GRIK1: variants seen among roughly 807,000 people sequenced by gnomAD.
The protein encoded by GRIK1 is glutamate receptor ionotropic, kainate 1.
In GRIK1, 69 loss-of-function variants were observed where a neutral mutation model predicts 105.7. The observed-to-expected ratio is 0.65, with a 90% CI of 0.54 to 0.80. The LOEUF (loss-of-function observed/expected upper bound fraction) is 0.80, where lower values mean the gene tolerates loss of function less well. Ranked by LOEUF, GRIK1 falls within the 30% of genes least tolerant of loss-of-function variation. The pLI, the probability that GRIK1 is intolerant of heterozygous loss-of-function variation, is 0.00. For synonymous variants in GRIK1, 438 were observed against 431.3 expected (o/e 1.02, Z -0.19); for missense variants, 1,109 against 1,167.3 (o/e 0.95, Z 0.73).
At chr21:29,718,140 T>C (rs2064225086) in intron 1 of GRIK1, among the ~76,000 whole-genome samples, 1 of 152,176 alleles carries the variant, frequency 6.6e-6, no homozygotes, top group Non-Finnish European at 1.5e-5. Flanking sequence ...AAACTATAAG[T>C]CAATTAAATC....
chr21:29,556,726 G>A (rs1337919904), intron 15 of GRIK1, among the ~76,000 whole-genome samples: 1 of 152,158 alleles, frequency 6.6e-6, no homozygotes, highest in East Asian at 1.9e-4. Context: ...AGGATTTCAA[G>A]TCACTAGGAA....
At chr21:29,640,497 T>A (rs1250573647) in intron 7 of GRIK1, among the ~76,000 whole-genome samples, 1 of 152,182 alleles carries the variant, frequency 6.6e-6, no homozygotes, top group African/African-American at 2.4e-5. Context: ...TCCCTTCCTG[T>A]AACCCCTAAC....
At chr21:29,819,141 T>A (rs1348386518) in intron 1 of GRIK1, among the ~76,000 whole-genome samples, 1 of 152,134 alleles carries the variant, frequency 6.6e-6, no homozygotes, top group East Asian at 1.9e-4. Flanking sequence ...TATTTCAAGA[T>A]ACTATATATT....
intron 1 of GRIK1, among the ~76,000 whole-genome samples, chr21:29,907,656 T>C (rs376558296): frequency 3.3e-5 from 5 of 152,108 alleles, no homozygotes; most frequent in East Asian, 3.8e-4. Flanking sequence ...AAAGGCATTC[T>C]ATATGAATGA....
At chr21:29,752,878 T>G (rs1448394146) in intron 1 of GRIK1, among the ~76,000 whole-genome samples, 4 of 152,226 alleles carry the variant, frequency 2.6e-5, no homozygotes, top group African/African-American at 9.6e-5. Context: ...CATCTGTTAT[T>G]GAACAGTACC....
At chr21:29,573,704 C>T (rs545478675) in intron 14 of GRIK1, among the ~76,000 whole-genome samples, 1 of 152,118 alleles carries the variant, frequency 6.6e-6, no homozygotes, top group South Asian at 2.1e-4. Context: ...AAAAAATTAG[C>T]CAGGCATGGT....
chr21:29,589,807 C>T (rs377582407), intron 10 of GRIK1, among the ~76,000 whole-genome samples: 31 of 152,274 alleles, frequency 2.0e-4, no homozygotes, highest in African/African-American at 7.5e-4. Context: ...CTATCTATGA[C>T]TATTCTCATT....
intron 15 of GRIK1, 134 bp downstream of exon 15, chr21:29,561,490 G>A (rs560667976): frequency 1.9e-5 from 12 of 630,268 alleles, no homozygotes; most frequent in South Asian, 5.6e-5. Flanking sequence ...CTATATGGAT[G>A]TTTACATTAT....
intron 1 of GRIK1, among the ~76,000 whole-genome samples, chr21:29,919,418 T>C (rs1459427572): frequency 6.6e-6 from 1 of 152,142 alleles, no homozygotes; most frequent in Admixed American, 6.6e-5. Context: ...ACACAGAGGA[T>C]GTATTCCAGG....
At chr21:29,818,239 T>C (rs2067204966) in intron 1 of GRIK1, among the ~76,000 whole-genome samples, 1 of 152,072 alleles carries the variant, frequency 6.6e-6, no homozygotes, top group Non-Finnish European at 1.5e-5. Context: ...TAATAAATGT[T>C]GACAGACAAA....
intron 16 of GRIK1, 39 bp downstream of exon 16, chr21:29,555,013 A>C (rs2090213351): frequency 6.5e-7 from 1 of 1,538,810 alleles, no homozygotes; most frequent in Non-Finnish European, 8.9e-7. Flanking sequence ...CAGATAATGC[A>C]AACTATAAAC....
At chr21:29,891,531 G>A (rs79127401) in intron 1 of GRIK1, among the ~76,000 whole-genome samples, 19 of 152,132 alleles carry the variant, frequency 1.2e-4, no homozygotes, top group African/African-American at 3.4e-4. Context: ...ATAAAGATTT[G>A]TCTTCAACAT....
At chr21:29,559,574 T>G (rs2146148145) in intron 15 of GRIK1, among the ~76,000 whole-genome samples, 2 of 152,306 alleles carry the variant, frequency 1.3e-5, no homozygotes, top group South Asian at 4.1e-4. Context: ...TTGGAGGACA[T>G]AAATGATAAC....
chr21:29,916,387 G>T (rs1407205336), intron 1 of GRIK1, among the ~76,000 whole-genome samples: 2 of 151,662 alleles, frequency 1.3e-5, no homozygotes, highest in East Asian at 3.9e-4. Context: ...ACCTGTTTCT[G>T]TAAAAAAAAA....
chr21:29,701,237 T>C (rs2063806377), intron 1 of GRIK1, among the ~76,000 whole-genome samples: 1 of 152,194 alleles, frequency 6.6e-6, no homozygotes, highest in Non-Finnish European at 1.5e-5. Flanking sequence ...TTGGAGCTTT[T>C]ATTTTAGAAG....
At chr21:29,748,412 G>C (rs548943103) in intron 1 of GRIK1, 1 of 152,210 alleles carries the variant, frequency 6.6e-6, no homozygotes, top group South Asian at 2.1e-4. Flanking sequence ...TCAGATTTTA[G>C]AGTCTGGAAA....
intron 1 of GRIK1, among the ~76,000 whole-genome samples, chr21:29,749,593 GC>G (rs1389274407): frequency 2.8e-4 from 43 of 152,328 alleles, no homozygotes; most frequent in African/African-American, 7.9e-4. Flanking sequence ...TACCATTTCT[GC>G]CACATTTGGG....
chr21:29,654,972 T>C, intron 4 of GRIK1, 109 bp from the exon 5 acceptor site: 1 of 773,026 alleles, frequency 1.3e-6, no homozygotes, highest in East Asian at 2.5e-5. Context: ...GAAGGGACTT[T>C]GGAAATCCAC....
chr21:29,772,411 C>G (rs2065834898), intron 1 of GRIK1, among the ~76,000 whole-genome samples: 1 of 152,152 alleles, frequency 6.6e-6, no homozygotes, highest in South Asian at 2.1e-4. Context: ...CCTCTTGAAG[C>G]TAATTTCTAA....
Sources: allele counts gnomAD v4.1 joint callset (sites outside exome capture counted in the v4.1 genomes callset), GRCh38; gene constraint gnomAD v4.1.1; transcripts MANE v1.5; gene names NCBI Gene and HGNC (gene_info 2026-07-23, HGNC 2026-07-21).